Variants in PHKB observed in about 807,000 individuals in gnomAD.
The protein encoded by PHKB is phosphorylase kinase regulatory subunit beta, also known as phosphorylase b kinase regulatory subunit beta.
A neutral mutation model predicts 152.1 loss-of-function variants in PHKB; 122 were observed. That is an observed-to-expected ratio of 0.80 (90% CI 0.69 to 0.93). The LOEUF (loss-of-function observed/expected upper bound fraction) is 0.93, where lower values mean the gene tolerates loss of function less well. Ranked by LOEUF, PHKB falls within the 40% of genes least tolerant of loss-of-function variation. The probability of loss-of-function intolerance (pLI) is 0.00; values close to 1 mark genes in which losing one functional copy is unlikely to be tolerated. For missense variants in PHKB, 1,304 were observed against 1,328.4 expected (o/e 0.98, Z 0.29); for synonymous variants, 436 against 464.9 (o/e 0.94, Z 0.80).
At chr16:47,534,283 T>C (rs535671839) in intron 6 of PHKB, among the ~76,000 whole-genome samples, 1 of 152,340 alleles carries the variant, frequency 6.6e-6, no homozygotes, top group East Asian at 1.9e-4. Context: ...TGAGTCTTCA[T>C]CCTAAAGGTG....
At chr16:47,500,555 C>T (rs1970307859) in intron 3 of PHKB, among the ~76,000 whole-genome samples, 1 of 152,142 alleles carries the variant, frequency 6.6e-6, no homozygotes, top group South Asian at 2.1e-4. Context: ...AAGTACTTAA[C>T]AAATTTGTTC....
At chr16:47,514,402 G>C (rs1430768270) in intron 5 of PHKB, among the ~76,000 whole-genome samples, 2 of 152,152 alleles carry the variant, frequency 1.3e-5, no homozygotes, top group Non-Finnish European at 1.5e-5. Context: ...GAGGATGAAG[G>C]CCCAAAAGCC....
intron 26 of PHKB, among the ~76,000 whole-genome samples, chr16:47,676,937 C>T (rs1021549520): frequency 8.5e-5 from 13 of 152,348 alleles, no homozygotes; most frequent in African/African-American, 3.1e-4. Context: ...TTCATCTCTG[C>T]TTTTCATACT....
intron 6 of PHKB, among the ~76,000 whole-genome samples, chr16:47,532,650 A>C (rs1398328641): frequency 1.3e-5 from 2 of 152,204 alleles, no homozygotes; most frequent in African/African-American, 4.8e-5. Flanking sequence ...GGTGCACTGT[A>C]AGCAGCTTCC....
rs115296933 is a variant in PHKB at position 47,521,170 on chromosome 16, G to T, written c.594+5569G>T. Among the ~76,000 whole-genome samples the T allele has an allele frequency of 3.7e-3, 562 of 152,192 alleles. 3 individuals carry two copies. Among genetic ancestry groups the T allele is most frequent in the African/African-American group, 0.013 (537 of 41,520 alleles). On this transcript the variant is annotated intron_variant, in intron 6 of 30. Coordinates refer to ENST00000323584, the MANE Select transcript of PHKB (RefSeq NM_000293.3). Reference sequence around the variant, plus strand: ...ATGAGTTCTTTAGGTTTTCTATGTAGAATATTATGTCATTTGCATATAGTA... The same window carrying T: ...ATGAGTTCTTTAGGTTTTCTATGTATAATATTATGTCATTTGCATATAGTA...
At chr16:47,629,205 G>A (rs1022830109) in intron 14 of PHKB, among the ~76,000 whole-genome samples, 33 of 152,170 alleles carry the variant, frequency 2.2e-4, no homozygotes, top group African/African-American at 7.7e-4. Context: ...CTTCTGCACA[G>A]CAAAAGAAAC....
intron 6 of PHKB, among the ~76,000 whole-genome samples, chr16:47,544,055 T>G (rs1382883779): frequency 1.3e-5 from 2 of 152,182 alleles, no homozygotes; most frequent in African/African-American, 4.8e-5. Context: ...GATTCATTGA[T>G]TTTTTGAAGG....
intron 1 of PHKB, among the ~76,000 whole-genome samples, chr16:47,465,349 T>C (rs780859383): frequency 1.3e-5 from 2 of 152,160 alleles, no homozygotes; most frequent in Non-Finnish European, 2.9e-5. Flanking sequence ...AATGGGGAAA[T>C]AGAATGTTTA....
At chr16:47,698,059 C>G (rs1041877754) in intron 29 of PHKB, among the ~76,000 whole-genome samples, 1 of 152,170 alleles carries the variant, frequency 6.6e-6, no homozygotes, top group Admixed American at 6.5e-5. Context: ...GCTTTGGTCC[C>G]TGACCCGTCT....
At chr16:47,685,321 A>G (rs1201720152) in intron 26 of PHKB, among the ~76,000 whole-genome samples, 3 of 152,200 alleles carry the variant, frequency 2.0e-5, no homozygotes, top group African/African-American at 7.2e-5. Flanking sequence ...GCTACTCAGG[A>G]GACTTAGGCA....
At chr16:47,641,233 A>G (rs1014833337) in intron 15 of PHKB, 143 bp downstream of exon 15, 26 of 724,388 alleles carry the variant, frequency 3.6e-5, no homozygotes, top group Non-Finnish European at 5.9e-5. Flanking sequence ...TATCATTAAT[A>G]TCACTTTAAA....
intron 7 of PHKB, among the ~76,000 whole-genome samples, chr16:47,548,869 A>C (rs1971222000): frequency 6.6e-6 from 1 of 152,228 alleles, no homozygotes; most frequent in Non-Finnish European, 1.5e-5. Flanking sequence ...TCATTGTTGT[A>C]ATAGTATATA....
intron 20 of PHKB, among the ~76,000 whole-genome samples, chr16:47,658,809 AGTGTGTGTGTGTGT>A (rs36066227): frequency 8.7e-4 from 123 of 140,828 alleles, no homozygotes; most frequent in East Asian, 6.6e-3. Context: ...AATGCATGAC[AGTGTGTGTGTGTGT>A]GTGTGTGTGT....
At chr16:47,532,762 G>C (rs574623844) in intron 6 of PHKB, among the ~76,000 whole-genome samples, 2 of 152,252 alleles carry the variant, frequency 1.3e-5, no homozygotes, top group Admixed American at 6.5e-5. Flanking sequence ...GAGCTCCCAC[G>C]TCTGGGCTCC....
rs770021026 is a variant in PHKB, at chr16:47,596,422, A to C, written c.1254A>C (p.Glu418Asp). 2 of 1,612,042 alleles carry C rather than the reference A, an allele frequency of 1.2e-6. No homozygotes were observed. The highest frequency in any genetic ancestry group is 3.3e-5 in the Admixed American group (2 of 60,002). Residue 418 changes from glutamate to aspartate, a missense_variant, in exon 13 of 31, where the codon GAA becomes GAC. Transcript: ENST00000323584. ...KYYYVPADFV[E>D]YEKNNPGSQK... Reference sequence around the variant, plus strand: ...ATTATGTGCCAGCTGACTTTGTAGAATATGAAAAAAATAACCCTGGTAGTC... The same window carrying C: ...ATTATGTGCCAGCTGACTTTGTAGACTATGAAAAAAATAACCCTGGTAGTC...
At chr16:47,668,683 C>T (rs1973582249) in intron 25 of PHKB, among the ~76,000 whole-genome samples, 1 of 152,132 alleles carries the variant, frequency 6.6e-6, no homozygotes, top group African/African-American at 2.4e-5. Context: ...TATTTTAACC[C>T]TCACCAGGCA....
intron 7 of PHKB, chr16:47,566,520 A>G (rs1971569855): frequency 6.2e-7 from 1 of 1,604,242 alleles, no homozygotes; most frequent in African/African-American, 1.3e-5. Context: ...TTCACGTGGT[A>G]AAAGCACTGC....
chr16:47,679,114 T>C (rs912497500), intron 26 of PHKB, among the ~76,000 whole-genome samples: 3 of 152,348 alleles, frequency 2.0e-5, no homozygotes, highest in East Asian at 1.9e-4. Flanking sequence ...GGCTCTGTTC[T>C]GTTCCATTGG....
intron 7 of PHKB, chr16:47,561,637 G>A (rs1184132810): frequency 1.3e-5 from 2 of 152,160 alleles, no homozygotes; most frequent in Non-Finnish European, 1.5e-5. Context: ...AATATTCAGT[G>A]TGTACACTCC....
Sources: allele counts gnomAD v4.1 joint callset (sites outside exome capture counted in the v4.1 genomes callset), GRCh38; gene constraint gnomAD v4.1.1; transcripts MANE v1.5; gene names NCBI Gene and HGNC (gene_info 2026-07-23, HGNC 2026-07-21).